The following NRXN1 variants were observed in gnomAD, a reference collection of about 807,000 sequenced individuals.
NRXN1 encodes neurexin-1.
NRXN1 carries 39 observed loss-of-function variants against 150.9 expected under a neutral mutation model. That is an observed-to-expected ratio of 0.26 (90% confidence interval 0.20 to 0.34). The LOEUF (loss-of-function observed/expected upper bound fraction) is 0.34, where lower values mean the gene tolerates loss of function less well. NRXN1 is among the 10% of genes least tolerant of loss of function. The pLI is 1.00. For synonymous variants in NRXN1, 924 were observed against 757.0 expected (o/e 1.22, Z -3.62); for missense variants, 1,815 against 1,949.9 (o/e 0.93, Z 1.30).
intron 2 of NRXN1, among the ~76,000 whole-genome samples, chr2:50,949,695 A>T (rs1438315327): frequency 6.6e-6 from 1 of 152,070 alleles, no homozygotes; most frequent in Non-Finnish European, 1.5e-5. Flanking sequence ...TTTTATAATA[A>T]AAGTATCTTC....
At chr2:50,706,575 A>G (rs916616864) in intron 5 of NRXN1, among the ~76,000 whole-genome samples, 1 of 152,176 alleles carries the variant, frequency 6.6e-6, no homozygotes, top group African/African-American at 2.4e-5. Flanking sequence ...AGAAATCTTC[A>G]CAGCCAATAA....
intron 17 of NRXN1, among the ~76,000 whole-genome samples, chr2:50,249,150 C>T (rs2066798996): frequency 8.1e-6 from 1 of 123,114 alleles, no homozygotes; most frequent in Non-Finnish European, 1.8e-5. Flanking sequence ...AAGTGAGACC[C>T]TTTCTTAAAA....
chr2:50,985,045 CTTT>C, intron 2 of NRXN1, among the ~76,000 whole-genome samples: 1 of 151,850 alleles, frequency 6.6e-6, no homozygotes, highest in Non-Finnish European at 1.5e-5. Context: ...AGAATATATA[CTTT>C]TTAAGATCCA....
intron 21 of NRXN1, among the ~76,000 whole-genome samples, chr2:49,993,848 C>G (rs1198138960): frequency 6.6e-6 from 1 of 152,160 alleles, no homozygotes; most frequent in Non-Finnish European, 1.5e-5. Context: ...AGGGTGTCCA[C>G]CTTTACCTCA....
intron 8 of NRXN1, among the ~76,000 whole-genome samples, chr2:50,580,902 T>C (rs1039680057): frequency 5.3e-5 from 8 of 152,168 alleles, no homozygotes; most frequent in Non-Finnish European, 1.2e-4. Context: ...TAAGTTGCTA[T>C]AGTCCCAAAA....
chr2:50,476,772 T>C (rs1385048244), intron 15 of NRXN1, among the ~76,000 whole-genome samples: 1 of 152,196 alleles, frequency 6.6e-6, no homozygotes. Context: ...TACACTATTC[T>C]AAAAGTAGCT....
intron 17 of NRXN1, among the ~76,000 whole-genome samples, chr2:50,416,758 G>A (rs1030124299): frequency 2.6e-5 from 4 of 151,558 alleles, no homozygotes; most frequent in Non-Finnish European, 5.9e-5. Flanking sequence ...CCATCAGATC[G>A]TGTGAGAACT....
At chr2:50,085,838 TA>T (rs1558846075) in intron 19 of NRXN1, among the ~76,000 whole-genome samples, 1 of 152,202 alleles carries the variant, frequency 6.6e-6, no homozygotes, top group Non-Finnish European at 1.5e-5. Flanking sequence ...ATCAATCATG[TA>T]AGTAATAACA....
At chr2:50,630,252 T>A (rs962424438) in intron 5 of NRXN1, among the ~76,000 whole-genome samples, 2 of 151,690 alleles carry the variant, frequency 1.3e-5, no homozygotes, top group African/African-American at 2.4e-5. Flanking sequence ...ACCACTTCAT[T>A]GGATGTTGTA....
intron 5 of NRXN1, among the ~76,000 whole-genome samples, chr2:50,630,590 ATGAAGAATGTC>A (rs1386617319): frequency 1.3e-5 from 2 of 151,780 alleles, no homozygotes; most frequent in Non-Finnish European, 3.0e-5. Context: ...CCCCAGTTAC[ATGAAGAATGTC>A]AAGTCATTTT....
At chr2:50,532,038 GA>G (rs1330646769) in intron 10 of NRXN1, among the ~76,000 whole-genome samples, 1 of 151,988 alleles carries the variant, frequency 6.6e-6, no homozygotes, top group Non-Finnish European at 1.5e-5. Flanking sequence ...TTTTTCTAGA[GA>G]TGGGTCTCCC....
At chr2:49,969,076 G>T (rs1445505020) in intron 21 of NRXN1, among the ~76,000 whole-genome samples, 1 of 151,980 alleles carries the variant, frequency 6.6e-6, no homozygotes, top group East Asian at 1.9e-4. Context: ...ATTCCTAAAG[G>T]CTAAGAAACC....
intron 5 of NRXN1, among the ~76,000 whole-genome samples, chr2:50,850,936 A>T (rs1674426417): frequency 6.6e-6 from 1 of 152,130 alleles, no homozygotes; most frequent in African/African-American, 2.4e-5. Context: ...TTTCTTCTTA[A>T]AGTGTTCATT....
intron 5 of NRXN1, among the ~76,000 whole-genome samples, chr2:50,676,101 C>T (rs1474353059): frequency 2.6e-5 from 4 of 152,152 alleles, no homozygotes; most frequent in South Asian, 2.1e-4. Context: ...ACTTGGTGCC[C>T]TCCCAGAGCT....
At position 50,661,543 on chromosome 2, in the gene NRXN1, T is replaced by C. The variant is rs1687301745; in HGVS notation, c.833-37928A>G. ...TTCCTTGCTTGTGCCTTAAGGGTCC[T>C]CAGTAATTACCCAACAGCTGTTTAG... On this transcript the variant is annotated intron_variant, in intron 5 of 22. Coordinates refer to ENST00000401669, the MANE Select transcript of NRXN1 (RefSeq NM_001330078.2). 2.6e-5 allele frequency among the ~76,000 whole-genome samples: 4 copies of C among 152,072 alleles called. No individual in the cohort carries two copies. The South Asian group carries it at 8.3e-4, about 31-fold the overall frequency.
intron 21 of NRXN1, among the ~76,000 whole-genome samples, chr2:50,014,202 ATAAG>A (rs1297829587): frequency 2.2e-4 from 34 of 152,212 alleles, no homozygotes; most frequent in African/African-American, 7.9e-4. Flanking sequence ...TTCCGATTTA[ATAAG>A]TAAGTATAGT....
At chr2:50,101,026 C>A (rs1171240784) in intron 18 of NRXN1, among the ~76,000 whole-genome samples, 1 of 152,056 alleles carries the variant, frequency 6.6e-6, no homozygotes, top group Non-Finnish European at 1.5e-5. Flanking sequence ...AAAATCTCAG[C>A]GTCACACTGA....
At chr2:50,489,547 C>A (rs989889846) in intron 15 of NRXN1, among the ~76,000 whole-genome samples, 3 of 152,066 alleles carry the variant, frequency 2.0e-5, no homozygotes, top group African/African-American at 7.3e-5. Context: ...AGGTCAACCT[C>A]CCCTGAGCAG....
In NRXN1 at chr2:50,666,878, G is replaced by GTGTGTGTGT. The variant is rs1559097612; in HGVS notation, c.833-43264_833-43263insACACACACA. Among the ~76,000 whole-genome samples, 39 of 128,852 alleles carry GTGTGTGTGT rather than the reference G, an allele frequency of 3.0e-4. No individual in the cohort carries two copies. The South Asian group carries it at 7.6e-3, about 25-fold the overall frequency. 84.5% of individuals were successfully genotyped at this position (128,852 alleles called of 152,430 possible). A position where few individuals can be genotyped will look rare whatever the true frequency, so the allele number is the denominator to read the frequency against. ...TGATGATGATGATGATGATGATGAT[G>GTGTGTGTGT]ATGTGTGTGTGTGTGTGTGTGTGTG... On this transcript the variant is annotated intron_variant, in intron 5 of 22. Transcript: ENST00000401669.
Sources: allele counts gnomAD v4.1 joint callset (sites outside exome capture counted in the v4.1 genomes callset), GRCh38; gene constraint gnomAD v4.1.1; transcripts MANE v1.5; gene names NCBI Gene and HGNC (gene_info 2026-07-23, HGNC 2026-07-21).